MINDY3: variants seen among roughly 807,000 people sequenced by gnomAD.
MINDY3 encodes ubiquitin carboxyl-terminal hydrolase MINDY-3.
MINDY3 carries 38 observed loss-of-function variants against 69.2 expected under a neutral mutation model. That is an observed-to-expected ratio of 0.55 (90% CI 0.42 to 0.72). The LOEUF is 0.72. MINDY3 is among the 30% of genes least tolerant of loss of function. MINDY3 has a pLI of 0.00. For missense variants in MINDY3, 522 were observed against 519.0 expected, an observed-to-expected ratio of 1.01 and a Z score of -0.06; for synonymous variants, 192 against 180.1, an observed-to-expected ratio of 1.07 and a Z score of -0.53.
In MINDY3 at chr10:15,798,515, C is replaced by T. The variant is rs188508765; in HGVS notation, c.883-2343G>A. Among the ~76,000 whole-genome samples the T allele has an allele frequency of 1.1e-4, 16 of 150,380 alleles. No individual in the cohort carries two copies. The East Asian group carries it at 2.7e-3, about 26-fold the overall frequency. Reference sequence around the variant, plus strand: ...GCTAGTGGTTGGGCACGGTGTGTCACGCCTGTAATCCCAGGACTTTGGGAG... The same window carrying T: ...GCTAGTGGTTGGGCACGGTGTGTCATGCCTGTAATCCCAGGACTTTGGGAG... On this transcript the variant is annotated intron_variant, in intron 10 of 14. Transcript: ENST00000277632.
chr10:15,819,783 T>A (rs1251202078), intron 9 of MINDY3, among the ~76,000 whole-genome samples: 1 of 152,170 alleles, frequency 6.6e-6, no homozygotes, highest in Non-Finnish European at 1.5e-5. Flanking sequence ...AAGCCTTAAA[T>A]CTCATTTAAA....
At chr10:15,788,866 G>T (rs1017558906) in intron 12 of MINDY3, 1 of 155,558 alleles carries the variant, frequency 6.4e-6, no homozygotes, top group African/African-American at 2.4e-5. Context: ...AAAGTCAGAG[G>T]CCTGCTGGTT....
Position 15,860,196 on chromosome 10 carries a change from G to T in MINDY3, c.94+10C>A. The T allele has an allele frequency of 6.3e-7, 1 of 1,596,950 alleles. No individual in the cohort carries two copies. The highest frequency in any genetic ancestry group is 1.1e-5 in the South Asian group (1 of 88,448). ...CAGCGGCTGCAAGTGTGAGAGCCCC[G>T]CCAGGGTACCTTGCGTCCAGCGGCA... On this transcript the variant is annotated intron_variant, in intron 1 of 14. Transcript: ENST00000277632.
At chr10:15,829,601 G>A (rs1408817581) in intron 8 of MINDY3, among the ~76,000 whole-genome samples, 4 of 152,156 alleles carry the variant, frequency 2.6e-5, no homozygotes, top group African/African-American at 9.7e-5. Flanking sequence ...GCAAGCATTA[G>A]CAAGAGAGTC....
intron 1 of MINDY3, among the ~76,000 whole-genome samples, chr10:15,857,697 AC>A (rs1040696661): frequency 7.9e-5 from 12 of 152,160 alleles, no homozygotes; most frequent in African/African-American, 2.9e-4. Flanking sequence ...AAGAAAAAAA[AC>A]ACCCCGCATT....
intron 3 of MINDY3, 56 bp downstream of exon 3, chr10:15,843,156 A>G: frequency 1.5e-6 from 2 of 1,355,856 alleles, no homozygotes; most frequent in South Asian, 2.5e-5. Context: ...ATAATTTTAG[A>G]TCATCTCTAT....
At chr10:15,820,955 A>T (rs937754197) in intron 9 of MINDY3, among the ~76,000 whole-genome samples, 24 of 152,036 alleles carry the variant, frequency 1.6e-4, no homozygotes, top group Admixed American at 5.9e-4. Context: ...ATTTAAAAAA[A>T]TTTTTTTAAT....
At chr10:15,786,438 C>T (rs777375342) in intron 13 of MINDY3, 123 bp downstream of exon 13, 62 of 664,412 alleles carry the variant, frequency 9.3e-5, no homozygotes, top group Non-Finnish European at 1.3e-4. Context: ...TTCCATGTAA[C>T]GGTGTTTTCT....
chr10:15,781,205 A>G (rs1176188434), intron 14 of MINDY3, among the ~76,000 whole-genome samples: 2 of 151,816 alleles, frequency 1.3e-5, no homozygotes, highest in Non-Finnish European at 2.9e-5. Flanking sequence ...AAAAACATCT[A>G]ATTTATATTT....
chr10:15,792,108 A>T (rs1276130320), intron 11 of MINDY3, among the ~76,000 whole-genome samples: 2 of 139,506 alleles, frequency 1.4e-5, no homozygotes, highest in East Asian at 2.0e-4. Context: ...CTTGGGAATT[A>T]AAAAAAAAAT....
At chr10:15,835,666 G>A (rs956413687) in intron 6 of MINDY3, among the ~76,000 whole-genome samples, 1 of 152,046 alleles carries the variant, frequency 6.6e-6, no homozygotes, top group Non-Finnish European at 1.5e-5. Flanking sequence ...GCATAAGAAA[G>A]TTGGAGAATA....
intron 10 of MINDY3, among the ~76,000 whole-genome samples, chr10:15,805,233 A>C (rs889579295): frequency 6.6e-6 from 1 of 152,186 alleles, no homozygotes; most frequent in African/African-American, 2.4e-5. Context: ...TCATGACAGC[A>C]GATTGCTCTT....
At chr10:15,827,176 T>TAAAAA (rs56332799) in intron 8 of MINDY3, among the ~76,000 whole-genome samples, 17 of 44,856 alleles carry the variant, frequency 3.8e-4, no homozygotes, top group African/African-American at 1.4e-3. Flanking sequence ...ATAACAGGAG[T>TAAAAA]AAAAAAAAAA....
chr10:15,825,737 T>C lies in MINDY3; in HGVS notation c.731-4011A>G, dbSNP rs535554395. Among the ~76,000 whole-genome samples the C allele has an allele frequency of 2.0e-5, 3 of 152,368 alleles. No individual in the cohort carries two copies. In the East Asian group the frequency reaches 5.8e-4, roughly 29 times the overall value. ...TGTACAACATGTTTTGAAATATGTA[T>C]ACACTGTAGAATGGCTAAACTGAGC... On this transcript the variant is annotated intron_variant, in intron 8 of 14. Coordinates refer to ENST00000277632, the MANE Select transcript of MINDY3 (RefSeq NM_024948.4).
At chr10:15,811,859 TAA>T (rs1185653968) in intron 10 of MINDY3, among the ~76,000 whole-genome samples, 3 of 152,234 alleles carry the variant, frequency 2.0e-5, no homozygotes, top group Non-Finnish European at 4.4e-5. Flanking sequence ...AACTTCAGAA[TAA>T]AACTTTCTAA....
chr10:15,785,269 C>A (rs1292133662), intron 13 of MINDY3, among the ~76,000 whole-genome samples: 1 of 152,034 alleles, frequency 6.6e-6, no homozygotes, highest in Non-Finnish European at 1.5e-5. Flanking sequence ...AACACAGAGG[C>A]AACAAACAGT....
chr10:15,829,327 T>C (rs144387466), intron 8 of MINDY3, among the ~76,000 whole-genome samples: 4 of 152,204 alleles, frequency 2.6e-5, no homozygotes, highest in African/African-American at 9.7e-5. Flanking sequence ...CAGTGGTTCT[T>C]AACCCTGACT....
At chr10:15,853,683 T>A (rs562476938) in intron 1 of MINDY3, among the ~76,000 whole-genome samples, 1 of 151,866 alleles carries the variant, frequency 6.6e-6, no homozygotes, top group African/African-American at 2.4e-5. Flanking sequence ...TCAAAAGTTA[T>A]CTCAAGGAAA....
chr10:15,835,793 A>G (rs1408374590), intron 6 of MINDY3, among the ~76,000 whole-genome samples: 2 of 152,098 alleles, frequency 1.3e-5, no homozygotes, highest in Non-Finnish European at 2.9e-5. Context: ...TACATTTAAT[A>G]TTCCAAATAG....
Sources: allele counts gnomAD v4.1 joint callset (sites outside exome capture counted in the v4.1 genomes callset), GRCh38; gene constraint gnomAD v4.1.1; transcripts MANE v1.5; gene names NCBI Gene and HGNC (gene_info 2026-07-23, HGNC 2026-07-21).